Variants in SCRG1 observed in about 807,000 individuals in gnomAD.
SCRG1 encodes scrapie-responsive protein 1.
In SCRG1, 3 loss-of-function variants were observed where a neutral mutation model predicts 7.7. That is an observed-to-expected ratio of 0.39 (90% confidence interval 0.18 to 1.01). SCRG1 has a LOEUF of 1.01. Ranked by LOEUF, SCRG1 falls within the 50% of genes least tolerant of loss-of-function variation. The pLI is 0.36. For synonymous variants in SCRG1, 46 were observed against 41.2 expected (o/e 1.12, Z -0.44); for missense variants, 110 against 117.2 (o/e 0.94, Z 0.28).
intron 1 of SCRG1, among the ~76,000 whole-genome samples, chr4:173,394,185 C>G (rs1370146985): frequency 6.6e-6 from 1 of 151,750 alleles, no homozygotes; most frequent in Non-Finnish European, 1.5e-5. Flanking sequence ...GTAATTAGTT[C>G]TTTGGTGCTT....
chr4:173,433,664 C>T, the SCRG1 span, among the ~76,000 whole-genome samples: 4 of 152,314 alleles, frequency 2.6e-5, no homozygotes, highest in East Asian at 7.7e-4. Context: ...TAGGTGTCAC[C>T]CTATCAGTGG....
the SCRG1 span, chr4:173,468,077 C>T: frequency 2.0e-5 from 3 of 152,708 alleles, no homozygotes; most frequent in African/African-American, 7.2e-5. Flanking sequence ...TCACTATATA[C>T]GAAGCATATA....
chr4:173,486,522 A>G, the SCRG1 span, among the ~76,000 whole-genome samples: 6 of 151,684 alleles, frequency 4.0e-5, no homozygotes, highest in South Asian at 1.2e-3. Context: ...TTTTTTTTCC[A>G]TGCTTGTTTT....
At chr4:173,406,871 T>C (rs1739919333), upstream of SCRG1, among the ~76,000 whole-genome samples, 1 of 152,220 alleles carries the variant, frequency 6.6e-6, no homozygotes, top group Non-Finnish European at 1.5e-5. Context: ...ATACTTTCAC[T>C]TGTTGGAGGA....
At chr4:173,483,881 CATATA>C in the SCRG1 span, among the ~76,000 whole-genome samples, 16 of 65,338 alleles carry the variant, frequency 2.4e-4, 1 homozygote, top group South Asian at 6.0e-3. Context: ...ATATATATTT[CATATA>C]ATATATGTTA....
the SCRG1 span, among the ~76,000 whole-genome samples, chr4:173,434,952 A>G: frequency 6.6e-6 from 1 of 152,176 alleles, no homozygotes; most frequent in East Asian, 1.9e-4. Context: ...TCCCAGGCCC[A>G]GGGGTTCAGG....
the SCRG1 span, among the ~76,000 whole-genome samples, chr4:173,452,837 T>C: frequency 6.6e-6 from 1 of 152,216 alleles, no homozygotes; most frequent in Non-Finnish European, 1.5e-5. Context: ...TTAGAATATA[T>C]AGGGAAAAAT....
the SCRG1 span, among the ~76,000 whole-genome samples, chr4:173,447,162 CA>C: frequency 6.6e-6 from 1 of 152,166 alleles, no homozygotes; most frequent in Non-Finnish European, 1.5e-5. Context: ...AGGGTGTTAG[CA>C]TGGCAGGGTT....
At chr4:173,468,564 C>G in the SCRG1 span, 1 of 152,344 alleles carries the variant, frequency 6.6e-6, no homozygotes, top group African/African-American at 2.4e-5. Context: ...TGACCCACAT[C>G]AGACATGGAT....
At chr4:173,396,712 T>TTGTGTGTGTGTG (rs71594043) in intron 1 of SCRG1, among the ~76,000 whole-genome samples, 3,672 of 106,980 alleles carry the variant, frequency 0.034, 100 homozygotes, top group South Asian at 0.096. Context: ...ACTGGTAGTT[T>TTGTGTGTGTGTG]TGTGTGTGTG....
the SCRG1 span, among the ~76,000 whole-genome samples, chr4:173,495,221 A>G: frequency 6.6e-6 from 1 of 152,252 alleles, no homozygotes; most frequent in African/African-American, 2.4e-5. Context: ...ATGGTAATCA[A>G]GTTATCATTA....
the SCRG1 span, among the ~76,000 whole-genome samples, chr4:173,490,832 A>T: frequency 1.3e-5 from 2 of 152,106 alleles, no homozygotes; most frequent in Admixed American, 6.5e-5. Context: ...CCTGGACTAA[A>T]GTTTTCAGGG....
At chr4:173,416,459 A>G in the SCRG1 span, among the ~76,000 whole-genome samples, 1 of 152,204 alleles carries the variant, frequency 6.6e-6, no homozygotes, top group Non-Finnish European at 1.5e-5. Context: ...AAGTTTCCAA[A>G]TTTCAAACTC....
chr4:173,477,747 CTTCCTTCCTTCCTTCCTTCCTTCT>C, the SCRG1 span, among the ~76,000 whole-genome samples: 1 of 121,560 alleles, frequency 8.2e-6, no homozygotes, highest in African/African-American at 2.8e-5. Context: ...TCCTTCCTTC[CTTCCTTCCTTCCTTCCTTCCTTCT>C]TTCCTTCCTT....
chr4:173,474,643 G>A, the SCRG1 span, among the ~76,000 whole-genome samples: 23 of 152,290 alleles, frequency 1.5e-4, no homozygotes, highest in African/African-American at 5.3e-4. Context: ...TGGAGGTGTC[G>A]GATGTCATGA....
the SCRG1 span, among the ~76,000 whole-genome samples, chr4:173,482,962 A>G: frequency 0.59 from 77,084 of 131,390 alleles, 25,070 homozygotes; most frequent in Non-Finnish European, 0.73. Context: ...TATTGTACAT[A>G]TTGTATATAT....
chr4:173,430,830 A>AAAG, the SCRG1 span, among the ~76,000 whole-genome samples: 1 of 120,440 alleles, frequency 8.3e-6, no homozygotes, highest in Non-Finnish European at 1.8e-5. Flanking sequence ...AAAAAAAAAA[A>AAAG]AGAGAGAGAG....
At chr4:173,512,031 G>A in the SCRG1 span, among the ~76,000 whole-genome samples, 4 of 152,212 alleles carry the variant, frequency 2.6e-5, no homozygotes, top group African/African-American at 9.7e-5. Context: ...CAGACTCTCT[G>A]ACCCTGCCAA....
At chr4:173,389,349 A>C (rs554478902) in intron 2 of SCRG1, among the ~76,000 whole-genome samples, 1 of 152,260 alleles carries the variant, frequency 6.6e-6, no homozygotes, top group South Asian at 2.1e-4. Flanking sequence ...CCTGACCAAC[A>C]CGGTGAAACC....
Sources: gnomAD v4.1 joint callset for allele counts (sites outside exome capture counted in the v4.1 genomes callset) on GRCh38, gnomAD v4.1.1 for gene constraint, MANE v1.5 for transcripts, NCBI Gene and HGNC (gene_info 2026-07-23, HGNC 2026-07-21) for gene names.